Variants in TBC1D5 observed in about 807,000 individuals in gnomAD.
The protein encoded by TBC1D5 is TBC1 domain family, member 5.
A neutral mutation model predicts 100.3 loss-of-function variants in TBC1D5; 75 were observed. The observed-to-expected ratio is 0.75, with a 90% CI of 0.62 to 0.91. The LOEUF (loss-of-function observed/expected upper bound fraction) is 0.91, where lower values mean the gene tolerates loss of function less well. TBC1D5 is among the 40% of genes least tolerant of loss of function. The pLI is 0.00. For synonymous variants in TBC1D5, 323 were observed against 325.6 expected (o/e 0.99, Z 0.09); for missense variants, 910 against 942.4 (o/e 0.97, Z 0.45).
chr3:17,696,646 C>T (rs1364321724), intron 1 of TBC1D5, among the ~76,000 whole-genome samples: 3 of 152,096 alleles, frequency 2.0e-5, no homozygotes, highest in East Asian at 3.9e-4. Flanking sequence ...CAGGACCAGA[C>T]GGATTCACAG....
intron 5 of TBC1D5, among the ~76,000 whole-genome samples, chr3:17,405,421 A>C (rs1342311074): frequency 6.6e-6 from 1 of 152,064 alleles, no homozygotes. Flanking sequence ...GAAACATGAA[A>C]GCATTCCTTT....
At chr3:17,658,590 A>C (rs1370971637) in intron 1 of TBC1D5, among the ~76,000 whole-genome samples, 1 of 152,222 alleles carries the variant, frequency 6.6e-6, no homozygotes, top group Non-Finnish European at 1.5e-5. Context: ...AGAATTATTA[A>C]ATCACGTGGC....
At chr3:17,272,065 A>G (rs2079483524) in intron 15 of TBC1D5, among the ~76,000 whole-genome samples, 1 of 149,148 alleles carries the variant, frequency 6.7e-6, no homozygotes, top group African/African-American at 2.5e-5. Context: ...GGCATTTACA[A>G]CATTTGTGTT....
chr3:17,741,612 G>C (rs2077442316), upstream of TBC1D5, among the ~76,000 whole-genome samples: 1 of 152,030 alleles, frequency 6.6e-6, no homozygotes, highest in Non-Finnish European at 1.5e-5. Context: ...ACTCTTTCCA[G>C]AAAGTTATTA....
rs2069535740 is a variant in TBC1D5, at chr3:17,681,943, C to CT, written c.-101+57399dup. ...ATACGAATGCAAACCCTACCGTGAA[C>CT]TGCGCATGCAAGGGAGCTAGGTTGC... is the stretch of plus-strand genomic sequence containing the variant. On this transcript the variant is annotated intron_variant, in intron 1 of 21. Transcript: ENST00000253692. 6.6e-5 allele frequency among the ~76,000 whole-genome samples: 10 copies of CT among 151,684 alleles called. 1 individual carries two copies. In the South Asian group the frequency reaches 2.1e-3, roughly 31 times the overall value.
chr3:17,621,969 T>C (rs746418909), intron 2 of TBC1D5, among the ~76,000 whole-genome samples: 2 of 152,184 alleles, frequency 1.3e-5, no homozygotes, highest in Non-Finnish European at 2.9e-5. Flanking sequence ...AACAGTCAGT[T>C]TTCTTCCTTT....
intron 17 of TBC1D5, among the ~76,000 whole-genome samples, chr3:17,221,023 T>C (rs2126097970): frequency 6.6e-6 from 1 of 152,260 alleles, no homozygotes; most frequent in East Asian, 1.9e-4. Flanking sequence ...GATTTTCTTT[T>C]GTTGTTGTTG....
intron 2 of TBC1D5, among the ~76,000 whole-genome samples, chr3:17,605,543 A>C (rs974576700): frequency 1.3e-5 from 2 of 152,240 alleles, no homozygotes; most frequent in Non-Finnish European, 2.9e-5. Flanking sequence ...TTGTGTTTGA[A>C]AGAGTTTGGG....
chr3:17,214,772 A>T (rs1296901905), intron 17 of TBC1D5, among the ~76,000 whole-genome samples: 1 of 152,168 alleles, frequency 6.6e-6, no homozygotes, highest in Non-Finnish European at 1.5e-5. Flanking sequence ...AGATTAAAAA[A>T]TCCAAATCTT....
At position 17,527,330 on chromosome 3, in the gene TBC1D5, C is replaced by A. The variant is rs565848217; in HGVS notation, c.-35-18725G>T. 5.3e-5 allele frequency among the ~76,000 whole-genome samples: 8 copies of A among 152,174 alleles called. No homozygotes were observed. In the South Asian group the frequency reaches 1.7e-3, roughly 32 times the overall value. ...TGAAAGAAGAGCATGCTGCGAACAG[C>A]AAATGCAGAAGACCATAAAGTGGGA... On this transcript the variant is annotated intron_variant, in intron 2 of 21. Transcript: ENST00000253692.
chr3:17,160,375 TTTC>T (rs2065925790), exon 22 of TBC1D5: 2 of 152,466 alleles, frequency 1.3e-5, no homozygotes, highest in Admixed American at 6.5e-5. Flanking sequence ...AATGAGGTTT[TTTC>T]TTTTTTTTTT....
chr3:17,729,016 T>TAAAAAAAAAA (rs34461809), intron 1 of TBC1D5, among the ~76,000 whole-genome samples: 39 of 29,522 alleles, frequency 1.3e-3, no homozygotes, highest in African/African-American at 1.7e-3. Flanking sequence ...TGAAAATCAG[T>TAAAAAAAAAA]AAAAAAAAAA....
intron 2 of TBC1D5, among the ~76,000 whole-genome samples, chr3:17,519,167 A>T (rs1172282147): frequency 6.6e-6 from 1 of 152,244 alleles, no homozygotes; most frequent in Non-Finnish European, 1.5e-5. Flanking sequence ...AAAGTGTGTA[A>T]GGAGTCAAGC....
chr3:17,347,470 A>T (rs1425395620), intron 13 of TBC1D5, among the ~76,000 whole-genome samples: 1 of 152,090 alleles, frequency 6.6e-6, no homozygotes, highest in Non-Finnish European at 1.5e-5. Flanking sequence ...AACTATAGCA[A>T]TTTTTCTCAG....
chr3:17,456,348 C>T (rs1035175659), intron 3 of TBC1D5, among the ~76,000 whole-genome samples: 11 of 152,152 alleles, frequency 7.2e-5, no homozygotes, highest in Admixed American at 7.2e-4. Flanking sequence ...AAAAAATGAA[C>T]AAAGTGAAGA....
At chr3:17,334,572 T>C (rs557547119) in intron 13 of TBC1D5, among the ~76,000 whole-genome samples, 1 of 152,272 alleles carries the variant, frequency 6.6e-6, no homozygotes, top group South Asian at 2.1e-4. Context: ...TAGGTAGGAC[T>C]ACCTGACCAG....
intron 3 of TBC1D5, among the ~76,000 whole-genome samples, chr3:17,439,809 T>C (rs540014501): frequency 1.3e-5 from 2 of 152,346 alleles, no homozygotes; most frequent in Admixed American, 6.5e-5. Flanking sequence ...CCTTTAAATA[T>C]GCTAGGAAAT....
intron 13 of TBC1D5, among the ~76,000 whole-genome samples, chr3:17,311,888 G>A (rs544853944): frequency 6.6e-6 from 1 of 152,124 alleles, no homozygotes; most frequent in South Asian, 2.1e-4. Flanking sequence ...TTTGCTCAAT[G>A]ATATCAATTT....
At position 17,343,946 on chromosome 3, in the gene TBC1D5, G is replaced by T. The variant is rs569148880; in HGVS notation, c.995+28129C>A. 3.0e-3 allele frequency among the ~76,000 whole-genome samples: 448 copies of T among 150,672 alleles called. 1 individual carries two copies. Among genetic ancestry groups the T allele is most frequent in the African/African-American group, 9.5e-3 (390 of 41,156 alleles). On this transcript the variant is annotated intron_variant, in intron 13 of 21. Transcript: ENST00000253692. ...CCTGGATTCATTAATTTTTTGAAGG[G>T]TTTTTTTTGTCTCTATTTCCTTCAG...
Sources: gnomAD v4.1 joint callset for allele counts (sites outside exome capture counted in the v4.1 genomes callset) on GRCh38, gnomAD v4.1.1 for gene constraint, MANE v1.5 for transcripts, NCBI Gene and HGNC (gene_info 2026-07-23, HGNC 2026-07-21) for gene names.